The following PI4KA variants were observed in gnomAD, a reference collection of about 807,000 sequenced individuals.
PI4KA encodes the protein PI4-kinase alpha.
Under a neutral mutation model 271.4 loss-of-function variants are expected in PI4KA, and 122 were observed. The observed-to-expected ratio is 0.45, with a 90% CI of 0.39 to 0.52. PI4KA has a LOEUF of 0.52. Among genes scored for constraint, PI4KA ranks in the 20% least tolerant of loss-of-function variants. PI4KA has a pLI of 0.00. For missense variants in PI4KA, 1,969 were observed against 2,769.1 expected (o/e 0.71, Z 6.48); for synonymous variants, 1,041 against 1,078.8 (o/e 0.96, Z 0.69).
intron 32 of PI4KA, among the ~76,000 whole-genome samples, chr22:20,738,618 T>C (rs1031038327): frequency 4.6e-5 from 7 of 151,994 alleles, no homozygotes; most frequent in Non-Finnish European, 7.4e-5. Flanking sequence ...AATGACCACG[T>C]GCTGCTGGGG....
intron 32 of PI4KA, chr22:20,736,356 G>A (rs1037285586): frequency 1.3e-5 from 2 of 151,352 alleles, no homozygotes; most frequent in African/African-American, 4.9e-5. Flanking sequence ...GGGGAAGAGA[G>A]AGGATGGAAG....
intron 42 of PI4KA, among the ~76,000 whole-genome samples, chr22:20,723,302 G>T (rs796857878): frequency 6.6e-6 from 1 of 151,958 alleles, no homozygotes; most frequent in Non-Finnish European, 1.5e-5. Context: ...TTACAAGCGT[G>T]AGCCACCGCG....
intron 34 of PI4KA, 38 bp downstream of exon 34, chr22:20,734,005 A>T (rs1000203013): frequency 1.9e-6 from 3 of 1,544,826 alleles, no homozygotes; most frequent in Non-Finnish European, 2.6e-6. Context: ...CACTGTACAC[A>T]CCAGGGGCCC....
At chr22:20,726,363 T>A in intron 42 of PI4KA, 125 bp downstream of exon 42, 1 of 729,214 alleles carries the variant, frequency 1.4e-6, no homozygotes, top group South Asian at 2.4e-5. Flanking sequence ...GCAAGGGGAC[T>A]GCTGGGCAGC....
At chr22:20,851,377 T>C (rs1275616703) in intron 1 of PI4KA, among the ~76,000 whole-genome samples, 2 of 152,148 alleles carry the variant, frequency 1.3e-5, no homozygotes, top group Non-Finnish European at 2.9e-5. Context: ...AGTCTTGCTC[T>C]GTCGCCCAGG....
rs143080998 is a variant in PI4KA at position 20,813,475 on chromosome 22, C to T, written c.888G>A (p.Glu296=). Residue 296 remains glutamate, a synonymous_variant, in exon 8 of 55, where the codon GAG becomes GAA. Transcript: ENST00000255882. ...TGATGGTTGAAAAGTAGTACTCAGG[C>T]TCTAGGGCAGTCCCATCGGGCAAGC... The part of the protein sequence containing the change: ...ASCLPDGTAL[E]PEYYFSTISS... The T allele has an allele frequency of 2.7e-5, 43 of 1,614,092 alleles. No individual in the cohort carries two copies. The African/African-American group carries it at 5.5e-4, about 21-fold the overall frequency.
chr22:20,779,623 C>A lies in PI4KA; in HGVS notation c.2328+13570G>T, dbSNP rs754910028. 1.1e-5 allele frequency: 18 copies of A among 1,614,110 alleles called. No individual in the cohort carries two copies. Among genetic ancestry groups the A allele is most frequent in the Non-Finnish European group, 1.4e-5 (17 of 1,180,032 alleles). ...GTCGACAGTCTGTCAGTTTCCCCGA[C>A]AGACTCTGATGTGAGTGCTGGGAAC... On this transcript the variant is annotated intron_variant, in intron 19 of 54. Coordinates refer to ENST00000255882, the MANE Select transcript of PI4KA (RefSeq NM_058004.4).
intron 9 of PI4KA, among the ~76,000 whole-genome samples, chr22:20,809,875 C>G (rs756057881): frequency 3.9e-5 from 6 of 152,160 alleles, no homozygotes; most frequent in Non-Finnish European, 5.9e-5. Flanking sequence ...TCTGCAATAG[C>G]TCGTTGGCAG....
At chr22:20,779,589 A>G (rs765902698) in intron 19 of PI4KA, 1 of 1,614,220 alleles carries the variant, frequency 6.2e-7, no homozygotes, top group Non-Finnish European at 8.5e-7. Context: ...CGACGACTAC[A>G]TCGACATCGT....
intron 50 of PI4KA, 44 bp downstream of exon 50, chr22:20,712,442 T>G (rs1193466525): frequency 6.3e-7 from 1 of 1,597,658 alleles, no homozygotes. Flanking sequence ...TGGGGTGGGG[T>G]GGAGCACACA....
chr22:20,719,877 A>C (rs1249929643), intron 43 of PI4KA, among the ~76,000 whole-genome samples: 1 of 151,876 alleles, frequency 6.6e-6, no homozygotes, highest in African/African-American at 2.4e-5. Flanking sequence ...ATACAAAAAA[A>C]TTAGCAGGCG....
intron 2 of PI4KA, among the ~76,000 whole-genome samples, chr22:20,836,003 G>C (rs1167934050): frequency 6.6e-6 from 1 of 152,090 alleles, no homozygotes; most frequent in African/African-American, 2.4e-5. Flanking sequence ...AGTGAGCCTA[G>C]ATGGCACCAC....
intron 3 of PI4KA, among the ~76,000 whole-genome samples, chr22:20,830,127 G>A (rs971963868): frequency 6.6e-6 from 1 of 152,216 alleles, no homozygotes; most frequent in African/African-American, 2.4e-5. Flanking sequence ...TTCGAGTGGA[G>A]TGTTCTGTAG....
intron 13 of PI4KA, among the ~76,000 whole-genome samples, chr22:20,802,476 C>T (rs760319733): frequency 3.3e-5 from 5 of 152,142 alleles, no homozygotes; most frequent in Non-Finnish European, 5.9e-5. Context: ...GGGATGCTTG[C>T]GGGAGCAGGG....
chr22:20,846,305 A>G (rs1160622592), intron 1 of PI4KA, among the ~76,000 whole-genome samples: 1 of 151,604 alleles, frequency 6.6e-6, no homozygotes, highest in African/African-American at 2.4e-5. Flanking sequence ...AAGAAAATAA[A>G]TTGTATTTCT....
intron 3 of PI4KA, among the ~76,000 whole-genome samples, chr22:20,831,537 C>T (rs1924158929): frequency 6.6e-6 from 1 of 152,106 alleles, no homozygotes; most frequent in Non-Finnish European, 1.5e-5. Flanking sequence ...CACTGCACTC[C>T]AGCCTGAGTG....
chr22:20,858,668 A>C lies in PI4KA; in HGVS notation c.58T>G (p.Ser20Ala), dbSNP rs1569110071. ...GGGGGGGGGC[S>A]GSGSSASRGF... ...CGCGAGGCGCTGGAGCCGGAGCCGG[A>C]GCAGCCGCCGCCGCCTCCGCCTCCG... The change falls in exon 1 of 55, where the codon TCC becomes GCC. Residue 20 changes from serine to alanine, a missense_variant. Ser to Ala is a moderately conservative substitution (Grantham distance 99). Coordinates refer to ENST00000255882, the MANE Select transcript of PI4KA (RefSeq NM_058004.4). The C allele has an allele frequency of 6.8e-7, 1 of 1,473,144 alleles. No individual in the cohort carries two copies. Among genetic ancestry groups the C allele is most frequent in the African/African-American group, 1.5e-5 (1 of 64,752 alleles). The allele number at this position is 1,473,144 out of a possible 1,614,324, so 91.3% of individuals were successfully genotyped here. A position where few individuals can be genotyped will look rare whatever the true frequency, so the allele number is the denominator to read the frequency against.
intron 31 of PI4KA, 123 bp from the exon 32 acceptor site, chr22:20,742,478 A>G (rs1929574232): frequency 6.5e-7 from 1 of 1,544,898 alleles, no homozygotes; most frequent in South Asian, 1.2e-5. Flanking sequence ...CTTTCCACTC[A>G]TGAGAGATAC....
At chr22:20,793,122 C>A (rs1038506964) in intron 19 of PI4KA, 71 bp downstream of exon 19, 5 of 915,186 alleles carry the variant, frequency 5.5e-6, no homozygotes, top group Admixed American at 3.4e-5. Context: ...ATTTACTGTG[C>A]GTCACCAGGC....
Sources: allele counts gnomAD v4.1 joint callset (sites outside exome capture counted in the v4.1 genomes callset), GRCh38; gene constraint gnomAD v4.1.1; transcripts MANE v1.5; gene names NCBI Gene and HGNC (gene_info 2026-07-23, HGNC 2026-07-21).